Variants in SFT2D2 observed in about 807,000 individuals in gnomAD.
SFT2D2 encodes the protein SFT2 domain containing 2.
A neutral mutation model predicts 27.4 loss-of-function variants in SFT2D2; 21 were observed. The ratio of observed to expected loss-of-function variants is 0.77; its 90% CI spans 0.54 to 1.10. The LOEUF is 1.10. Among genes scored for constraint, SFT2D2 ranks in the 50% least tolerant of loss-of-function variants. SFT2D2 has a pLI of 0.00. For synonymous variants in SFT2D2, 72 were observed against 71.7 expected (o/e 1.00, Z -0.02); for missense variants, 187 against 194.2 (o/e 0.96, Z 0.22).
intron 1 of SFT2D2, among the ~76,000 whole-genome samples, chr1:168,227,739 T>G (rs1023402857): frequency 6.6e-6 from 1 of 152,140 alleles, no homozygotes; most frequent in Non-Finnish European, 1.5e-5. Flanking sequence ...AAAGCTTTAT[T>G]TCCATAGACT....
rs150226246 is a variant in SFT2D2 at position 168,231,863 on chromosome 1, G to A, written c.180G>A (p.Lys60=). 6 of 1,614,162 alleles carry A rather than the reference G, an allele frequency of 3.7e-6. No individual in the cohort carries two copies. The highest frequency in any genetic ancestry group is 1.6e-4 in the Middle Eastern group (1 of 6,062). The change falls in exon 3 of 8, where the codon AAG becomes AAA. Residue 60 remains lysine (K), a synonymous_variant. Transcript: ENST00000271375. ...LGTVLLWVPR[K]GLHLFAVFYT... is the part of the protein sequence containing the mutation. ...CTGTTCTGCTGTGGGTGCCCAGGAA[G>A]GGACTACACCTCTTCGCAGTGTTTT...
At chr1:168,239,421 A>G (rs1368934932) in intron 7 of SFT2D2, among the ~76,000 whole-genome samples, 3 of 150,848 alleles carry the variant, frequency 2.0e-5, no homozygotes, top group African/African-American at 4.9e-5. Context: ...GCATATATGC[A>G]CATTATTACT....
At position 168,243,255 on chromosome 1, in the gene SFT2D2, C is replaced by T. The variant is rs923515861; in HGVS notation, c.*715C>T. On this transcript the variant is annotated 3_prime_UTR_variant, in exon 8 of 8. Coordinates refer to ENST00000271375, the MANE Select transcript of SFT2D2 (RefSeq NM_199344.3). ...CCTGCATATCTTTCTTTATGACCTC[C>T]TGGCACTAGATGGGGAAAGAACAGA... 6.6e-6 allele frequency: 1 copy of T among 151,494 alleles called. No homozygotes were observed. The highest frequency in any genetic ancestry group is 1.5e-5 in the Non-Finnish European group (1 of 67,946). 9.4% of individuals were successfully genotyped at this position (151,494 alleles called of 1,614,324 possible). A position where few individuals can be genotyped will look rare whatever the true frequency, so the allele number is the denominator to read the frequency against.
chr1:168,242,778 C>G lies in SFT2D2; in HGVS notation c.*238C>G. On this transcript the variant is annotated 3_prime_UTR_variant, in exon 8 of 8. Coordinates refer to ENST00000271375, the MANE Select transcript of SFT2D2 (RefSeq NM_199344.3). ...CTGTATCTTGTGGAGTGGAATCTTC[C>G]TCATGTACCTGTTTCCTCTCTGGAT... 1 of 533,280 alleles carries G rather than the reference C, an allele frequency of 1.9e-6. No individual in the cohort carries two copies. 33.0% of individuals were successfully genotyped at this position (533,280 alleles called of 1,614,324 possible). A position where few individuals can be genotyped will look rare whatever the true frequency, so the allele number is the denominator to read the frequency against.
intron 7 of SFT2D2, among the ~76,000 whole-genome samples, chr1:168,241,340 C>A (rs779266527): frequency 6.6e-6 from 1 of 150,922 alleles, no homozygotes; most frequent in East Asian, 2.0e-4. Flanking sequence ...TCCATGTGCA[C>A]GCCACCATGC....
chr1:168,228,629 C>G (rs1388847482), intron 1 of SFT2D2, among the ~76,000 whole-genome samples: 1 of 152,144 alleles, frequency 6.6e-6, no homozygotes, highest in Non-Finnish European at 1.5e-5. Flanking sequence ...TGAATAGTAT[C>G]TAATTTTAAA....
chr1:168,246,728 G>T lies in SFT2D2; in HGVS notation c.*4188G>T. On this transcript the variant is annotated 3_prime_UTR_variant, in exon 8 of 8. Transcript: ENST00000271375. Reference sequence around the variant, plus strand: ...GATTCCATTTCGTCAGTCTTTGCCTGCTTTGTTTTTCCTTCTCCAGTTTAG... The same window carrying T: ...GATTCCATTTCGTCAGTCTTTGCCTTCTTTGTTTTTCCTTCTCCAGTTTAG... The T allele has an allele frequency of 1.1e-6, 1 of 927,550 alleles. No homozygotes were observed. The highest frequency in any genetic ancestry group is 1.7e-6 in the Non-Finnish European group (1 of 585,932). 57.5% of individuals were successfully genotyped at this position (927,550 alleles called of 1,614,324 possible). A position where few individuals can be genotyped will look rare whatever the true frequency, so the allele number is the denominator to read the frequency against.
Position 168,246,564 on chromosome 1 carries a change from A to T in SFT2D2, c.*4024A>T. On this transcript the variant is annotated 3_prime_UTR_variant, in exon 8 of 8. Transcript: ENST00000271375. ...CAGCTTTAGAAAGTTGCTGAGAAAGAATCAGAACATGAGAATTCAAATTTT... is the reference window on the plus strand; with the variant it reads ...CAGCTTTAGAAAGTTGCTGAGAAAGTATCAGAACATGAGAATTCAAATTTT... The T allele has an allele frequency of 6.6e-7, 1 of 1,513,326 alleles. No homozygotes were observed. The highest frequency in any genetic ancestry group is 1.1e-5 in the South Asian group (1 of 89,556). 93.7% of individuals were successfully genotyped at this position (1,513,326 alleles called of 1,614,324 possible).
At position 168,246,505 on chromosome 1, in the gene SFT2D2, T is replaced by C. The variant is rs1558180027; in HGVS notation, c.*3965T>C. 3 of 1,467,166 alleles carry C rather than the reference T, an allele frequency of 2.0e-6. No homozygotes were observed. The highest frequency in any genetic ancestry group is 1.9e-6 in the Non-Finnish European group (2 of 1,076,268). The allele number at this position is 1,467,166 out of a possible 1,614,324, so 90.9% of individuals were successfully genotyped here. On this transcript the variant is annotated 3_prime_UTR_variant, in exon 8 of 8. Coordinates refer to ENST00000271375, the MANE Select transcript of SFT2D2 (RefSeq NM_199344.3). ...TTCTTTCAGAGCCTCTCTTGTGTTATGGAGCTCAGTTTTGAGGCACCTGGA... is the reference window on the plus strand; with the variant it reads ...TTCTTTCAGAGCCTCTCTTGTGTTACGGAGCTCAGTTTTGAGGCACCTGGA...
chr1:168,233,400 T>C (rs78252563), intron 3 of SFT2D2, among the ~76,000 whole-genome samples: 1,948 of 152,322 alleles, frequency 0.013, 44 homozygotes, highest in African/African-American at 0.045. Context: ...GGTAGCATTT[T>C]ATTACACTGA....
intron 3 of SFT2D2, among the ~76,000 whole-genome samples, chr1:168,234,263 G>A (rs1187293801): frequency 3.3e-5 from 5 of 152,062 alleles, no homozygotes; most frequent in African/African-American, 1.2e-4. Context: ...GTGTGGTGGC[G>A]TGTGCCTGTA....
In SFT2D2 at chr1:168,252,168, A is replaced by G. The variant is rs1366959211; in HGVS notation, c.*9628A>G. Reference sequence around the variant, plus strand: ...TGTCCTTTTCTAGCAGGAGCAGATAAACTGATAATGGTCTTAGAAATGTAG... The same window carrying G: ...TGTCCTTTTCTAGCAGGAGCAGATAGACTGATAATGGTCTTAGAAATGTAG... On this transcript the variant is annotated 3_prime_UTR_variant, in exon 8 of 8. Coordinates refer to ENST00000271375, the MANE Select transcript of SFT2D2 (RefSeq NM_199344.3). The G allele has an allele frequency of 6.6e-6, 1 of 152,192 alleles. No homozygotes were observed. Among genetic ancestry groups the G allele is most frequent in the African/African-American group, 2.4e-5 (1 of 41,442 alleles). The allele number at this position is 152,192 out of a possible 1,614,324, so 9.4% of individuals were successfully genotyped here.
At position 168,246,426 on chromosome 1, in the gene SFT2D2, A is replaced by G. The variant is rs903931625; in HGVS notation, c.*3886A>G. On this transcript the variant is annotated 3_prime_UTR_variant, in exon 8 of 8. Coordinates refer to ENST00000271375, the MANE Select transcript of SFT2D2 (RefSeq NM_199344.3). ...TGTGTACATTTTTTCAATGTCCTTC[A>G]TTTGACACCGTTTGGTTTAGCTCTC... 4 of 1,025,968 alleles carry G rather than the reference A, an allele frequency of 3.9e-6. No individual in the cohort carries two copies. The highest frequency in any genetic ancestry group is 3.1e-5 in the Admixed American group (1 of 32,314). 63.6% of individuals were successfully genotyped at this position (1,025,968 alleles called of 1,614,324 possible). A position where few individuals can be genotyped will look rare whatever the true frequency, so the allele number is the denominator to read the frequency against.
At chr1:168,240,732 T>C (rs892322999) in intron 7 of SFT2D2, among the ~76,000 whole-genome samples, 2 of 152,038 alleles carry the variant, frequency 1.3e-5, no homozygotes, top group African/African-American at 4.8e-5. Flanking sequence ...ACCAACGTGG[T>C]GAACTCCTGT....
At chr1:168,234,293 C>T (rs1572452457) in intron 3 of SFT2D2, among the ~76,000 whole-genome samples, 1 of 151,744 alleles carries the variant, frequency 6.6e-6, no homozygotes, top group East Asian at 1.9e-4. Flanking sequence ...ACTTGGGAGG[C>T]TGAGGCAGGA....
intron 3 of SFT2D2, 140 bp from the exon 4 acceptor site, chr1:168,234,961 C>A: frequency 1.3e-6 from 1 of 749,932 alleles, no homozygotes; most frequent in Admixed American, 2.1e-5. Flanking sequence ...GAAAAATGCA[C>A]GAAAGGCCCT....
At chr1:168,236,093 GTCTCTTGCAGAAAGAGC>G (rs1647491145) in intron 4 of SFT2D2, among the ~76,000 whole-genome samples, 1 of 152,242 alleles carries the variant, frequency 6.6e-6, no homozygotes, top group Admixed American at 6.5e-5. Context: ...GCCTGGACAA[GTCTCTTGCAGAAAGAGC>G]TTTCTAAGAA....
At chr1:168,242,422 CTTCCACTCTGGGT>C in intron 7 of SFT2D2, 66 bp from the exon 8 acceptor site, 1 of 1,522,600 alleles carries the variant, frequency 6.6e-7, no homozygotes. Flanking sequence ...TACTCTGCAG[CTTCCACTCTGGGT>C]GCCCTCTAAA....
chr1:168,245,870 A>G lies in SFT2D2; in HGVS notation c.*3330A>G, dbSNP rs1647796244. ...TTGCTTTTTAATTGTATTTCTTAAC[A>G]CTAGAATTTTCTATTTCAAGTTTTT... On this transcript the variant is annotated 3_prime_UTR_variant, in exon 8 of 8. Transcript: ENST00000271375. The G allele has an allele frequency of 6.5e-6, 1 of 152,784 alleles. No individual in the cohort carries two copies. Among genetic ancestry groups the G allele is most frequent in the African/African-American group, 2.4e-5 (1 of 41,444 alleles). The allele number at this position is 152,784 out of a possible 1,614,324, so 9.5% of individuals were successfully genotyped here.
Sources: gnomAD v4.1 joint callset for allele counts (sites outside exome capture counted in the v4.1 genomes callset) on GRCh38, gnomAD v4.1.1 for gene constraint, MANE v1.5 for transcripts, NCBI Gene and HGNC (gene_info 2026-07-23, HGNC 2026-07-21) for gene names.